Variants in MGAT4C observed in about 807,000 individuals in gnomAD.
MGAT4C encodes MGAT4 family member C.
Under a neutral mutation model 40.1 loss-of-function variants are expected in MGAT4C, and 19 were observed. The observed-to-expected ratio is 0.47, with a 90% CI of 0.33 to 0.70. The LOEUF (loss-of-function observed/expected upper bound fraction) is 0.70. MGAT4C is among the 30% of genes least tolerant of loss of function. The pLI, the probability that MGAT4C is intolerant of heterozygous loss-of-function variation, is 0.02. For missense variants in MGAT4C, 491 were observed against 563.2 expected, an observed-to-expected ratio of 0.87 and a Z score of 1.30; for synonymous variants, 181 against 187.1, an observed-to-expected ratio of 0.97 and a Z score of 0.27.
chr12:85,988,046 T>A (rs1484538677), intron 3 of MGAT4C, among the ~76,000 whole-genome samples: 2 of 152,210 alleles, frequency 1.3e-5, no homozygotes, highest in Non-Finnish European at 2.9e-5. Flanking sequence ...CTCATATAAC[T>A]AATAGGTTTT....
At chr12:86,826,354 C>A (rs1451153576) in intron 1 of MGAT4C, among the ~76,000 whole-genome samples, 2 of 151,320 alleles carry the variant, frequency 1.3e-5, no homozygotes, top group Non-Finnish European at 3.0e-5. Flanking sequence ...TGGTAGGAGA[C>A]AGGGCAGGAT....
intron 3 of MGAT4C, among the ~76,000 whole-genome samples, chr12:85,984,316 A>G (rs550654601): frequency 6.6e-6 from 1 of 152,188 alleles, no homozygotes; most frequent in Non-Finnish European, 1.5e-5. Context: ...AGGATACATT[A>G]GCACCAAATT....
chr12:86,309,521 C>T lies in MGAT4C; in HGVS notation c.-57+24544G>A, dbSNP rs146923359. ...TCATCCTTTAATCAGGAAGCCACTC[C>T]AGGAATAACTAACCACTCCAAGGTA... On this transcript the variant is annotated intron_variant, in intron 4 of 7. Coordinates refer to the MGAT4C transcript ENST00000548651. 9.0e-3 allele frequency among the ~76,000 whole-genome samples: 1,366 copies of T among 152,050 alleles called. 13 individuals are homozygous for T. Among genetic ancestry groups the T allele is most frequent in the African/African-American group, 0.032 (1,313 of 41,476 alleles).
At chr12:86,530,048 T>C (rs1409195455) in intron 2 of MGAT4C, among the ~76,000 whole-genome samples, 1 of 152,008 alleles carries the variant, frequency 6.6e-6, no homozygotes, top group Non-Finnish European at 1.5e-5. Context: ...TATTTAGTTT[T>C]AAAAATATTG....
chr12:86,369,218 T>C (rs905177971), intron 3 of MGAT4C, among the ~76,000 whole-genome samples: 1 of 151,968 alleles, frequency 6.6e-6, no homozygotes, highest in African/African-American at 2.4e-5. Context: ...TCCTTTTCCA[T>C]CCTTTCCTTT....
intron 2 of MGAT4C, among the ~76,000 whole-genome samples, chr12:86,439,545 A>G (rs887870580): frequency 6.6e-6 from 1 of 152,066 alleles, no homozygotes; most frequent in Non-Finnish European, 1.5e-5. Flanking sequence ...CAAATAGACA[A>G]CCTAACATCA....
At chr12:86,609,953 T>TA (rs933137486) in intron 2 of MGAT4C, among the ~76,000 whole-genome samples, 18 of 152,196 alleles carry the variant, frequency 1.2e-4, no homozygotes, top group African/African-American at 4.1e-4. Context: ...CATCACATTA[T>TA]AAGTCTTCAC....
At chr12:86,552,042 A>AAACAAAAAAAAAAAAAAAAAAC (rs1259033894) in intron 2 of MGAT4C, among the ~76,000 whole-genome samples, 1 of 149,994 alleles carries the variant, frequency 6.7e-6, no homozygotes, top group Non-Finnish European at 1.5e-5. Context: ...AAAAAAAAAA[A>AAACAAAAAAAAAAAAAAAAAAC]CCAAAAAACA....
chr12:86,326,856 T>G (rs1401258895), intron 4 of MGAT4C, among the ~76,000 whole-genome samples: 1 of 152,112 alleles, frequency 6.6e-6, no homozygotes, highest in Non-Finnish European at 1.5e-5. Context: ...GGAGCCTTAC[T>G]TCACTCTTTA....
At position 86,618,992 on chromosome 12, in the gene MGAT4C, CAA is replaced by C. The variant is rs199704604; in HGVS notation, c.-229+108215_-229+108216del. On this transcript the variant is annotated intron_variant, in intron 2 of 7. Coordinates refer to the MGAT4C transcript ENST00000548651. Reference sequence around the variant, plus strand: ...ATAATTAGAAAAATAATAAAAGTAACAATAAAATATAATACAAATAAAAATAA... The same window carrying C: ...ATAATTAGAAAAATAATAAAAGTAACTAAAATATAATACAAATAAAAATAA... Among the ~76,000 whole-genome samples, 1,234 of 151,578 alleles carry C rather than the reference CAA, an allele frequency of 8.1e-3. 9 individuals carry two copies. The highest frequency in any genetic ancestry group is 0.014 in the Admixed American group (212 of 15,240).
chr12:86,676,771 A>G (rs1964410038), intron 2 of MGAT4C, among the ~76,000 whole-genome samples: 2 of 152,158 alleles, frequency 1.3e-5, no homozygotes, highest in Non-Finnish European at 1.5e-5. Context: ...CCATATCTAC[A>G]TAAGAAAGAT....
intron 2 of MGAT4C, among the ~76,000 whole-genome samples, chr12:86,644,282 T>C (rs1963474976): frequency 6.6e-6 from 1 of 151,676 alleles, no homozygotes; most frequent in Non-Finnish European, 1.5e-5. Context: ...ATAAACAGAC[T>C]CGAACAGGAA....
At chr12:86,220,290 C>CT (rs934633828) in intron 1 of MGAT4C, among the ~76,000 whole-genome samples, 2 of 151,988 alleles carry the variant, frequency 1.3e-5, no homozygotes, top group Non-Finnish European at 2.9e-5. Context: ...GTCCCCTTTC[C>CT]TTTTTCTCCT....
intron 2 of MGAT4C, among the ~76,000 whole-genome samples, chr12:86,668,749 CAGG>C (rs1489976958): frequency 2.0e-5 from 3 of 152,214 alleles, no homozygotes; most frequent in Non-Finnish European, 4.4e-5. Flanking sequence ...AAGCCTGGAG[CAGG>C]AGAAGAGCTG....
intron 2 of MGAT4C, among the ~76,000 whole-genome samples, chr12:86,026,114 AAAGT>A (rs1489053017): frequency 6.6e-6 from 1 of 151,926 alleles, no homozygotes; most frequent in East Asian, 1.9e-4. Context: ...CTGTGGTAAC[AAAGT>A]AAGTGTCCAA....
At chr12:86,699,536 C>T (rs1039893864) in intron 2 of MGAT4C, among the ~76,000 whole-genome samples, 5 of 151,882 alleles carry the variant, frequency 3.3e-5, no homozygotes, top group African/African-American at 7.3e-5. Flanking sequence ...TGTGTGCACG[C>T]GCATGAGATT....
At chr12:86,057,882 T>A (rs1448708614) in intron 1 of MGAT4C, among the ~76,000 whole-genome samples, 4 of 152,208 alleles carry the variant, frequency 2.6e-5, no homozygotes, top group Non-Finnish European at 4.4e-5. Flanking sequence ...GAACTTTGAC[T>A]TCTATACACT....
intron 1 of MGAT4C, among the ~76,000 whole-genome samples, chr12:86,172,124 T>C (rs1192464728): frequency 1.3e-5 from 2 of 152,158 alleles, no homozygotes; most frequent in Non-Finnish European, 1.5e-5. Flanking sequence ...GTTATATGAA[T>C]TGAATGAAGT....
At chr12:86,742,983 ATG>A (rs780309077) in intron 1 of MGAT4C, among the ~76,000 whole-genome samples, 6 of 149,406 alleles carry the variant, frequency 4.0e-5, no homozygotes, top group Admixed American at 3.4e-4. Context: ...TTATGTATAT[ATG>A]TGTGTGTGTA....
Sources: allele counts gnomAD v4.1 joint callset (sites outside exome capture counted in the v4.1 genomes callset), GRCh38; gene constraint gnomAD v4.1.1; transcripts MANE v1.5; gene names NCBI Gene and HGNC (gene_info 2026-07-23, HGNC 2026-07-21).